Variants in DNAJC1 observed in about 807,000 individuals in gnomAD.
DNAJC1 encodes the protein DnaJ heat shock protein family (Hsp40) member C1.
In DNAJC1, 58 loss-of-function variants were observed where a neutral mutation model predicts 76.6. That is an observed-to-expected ratio of 0.76 (90% CI 0.61 to 0.94). DNAJC1 has a LOEUF of 0.94. DNAJC1 is among the 40% of genes least tolerant of loss of function. The pLI, the probability that DNAJC1 is intolerant of heterozygous loss-of-function variation, is 0.00. For missense variants in DNAJC1, 689 were observed against 677.3 expected, an observed-to-expected ratio of 1.02 and a Z score of -0.19; for synonymous variants, 258 against 267.9, an observed-to-expected ratio of 0.96 and a Z score of 0.36.
Position 21,848,071 on chromosome 10 carries a change from C to A in DNAJC1, c.978+34211G>T, listed in dbSNP as rs75728999. ...ATAGCAGTTATACTCACTTTCTCAC[C>A]AACAGTGAACTATTAGTGTTTCCCT... On this transcript the variant is annotated intron_variant, in intron 8 of 11. Coordinates refer to ENST00000376980, the MANE Select transcript of DNAJC1 (RefSeq NM_022365.4). Among the ~76,000 whole-genome samples, 99 of 152,228 alleles carry A rather than the reference C, an allele frequency of 6.5e-4. 2 individuals carry two copies. In the East Asian group the frequency reaches 0.014, roughly 22 times the overall value.
At chr10:21,869,550 G>A (rs1370530200) in intron 8 of DNAJC1, among the ~76,000 whole-genome samples, 3 of 151,950 alleles carry the variant, frequency 2.0e-5, no homozygotes, top group African/African-American at 4.8e-5. Flanking sequence ...CAACCACCTC[G>A]GGCACCTGTT....
At chr10:21,810,510 C>T (rs1834947724) in intron 8 of DNAJC1, among the ~76,000 whole-genome samples, 1 of 152,162 alleles carries the variant, frequency 6.6e-6, no homozygotes, top group African/African-American at 2.4e-5. Flanking sequence ...TCTAAAATAT[C>T]CCATAGTGGT....
intron 7 of DNAJC1, among the ~76,000 whole-genome samples, chr10:21,903,346 T>C (rs541451951): frequency 6.6e-6 from 1 of 152,340 alleles, no homozygotes; most frequent in Non-Finnish European, 1.5e-5. Context: ...AGAGTTTCAT[T>C]TGCACACTCC....
intron 1 of DNAJC1, among the ~76,000 whole-genome samples, chr10:21,951,963 G>C (rs1837603862): frequency 6.6e-6 from 1 of 152,182 alleles, no homozygotes; most frequent in African/African-American, 2.4e-5. Context: ...AGCAACACAT[G>C]GCTTTCTGGG....
At chr10:21,769,619 A>T (rs1834349211) in intron 9 of DNAJC1, among the ~76,000 whole-genome samples, 1 of 152,330 alleles carries the variant, frequency 6.6e-6, no homozygotes, top group South Asian at 2.1e-4. Flanking sequence ...ACTGCCATTA[A>T]ATCTCTCAGA....
At chr10:21,998,389 C>CAAAAAAAA (rs60371730) in intron 1 of DNAJC1, among the ~76,000 whole-genome samples, 11 of 95,790 alleles carry the variant, frequency 1.1e-4, no homozygotes, top group Admixed American at 1.3e-4. Context: ...GACTCCATCT[C>CAAAAAAAA]AAAAAAAAAA....
intron 9 of DNAJC1, among the ~76,000 whole-genome samples, chr10:21,805,449 C>CACACAG (rs1834872540): frequency 6.6e-6 from 1 of 150,546 alleles, no homozygotes; most frequent in African/African-American, 2.4e-5. Flanking sequence ...GACACACACA[C>CACACAG]ACACACACAC....
intron 7 of DNAJC1, among the ~76,000 whole-genome samples, chr10:21,892,841 T>C (rs1050462229): frequency 2.0e-5 from 3 of 151,816 alleles, no homozygotes; most frequent in Admixed American, 1.3e-4. Context: ...GGCATAGCAA[T>C]CCTAAATGTG....
intron 9 of DNAJC1, among the ~76,000 whole-genome samples, chr10:21,782,142 C>A (rs532191006): frequency 6.6e-6 from 1 of 151,876 alleles, no homozygotes; most frequent in African/African-American, 2.4e-5. Flanking sequence ...ATTGATAGAC[C>A]GCTAGCAAGA....
chr10:21,834,682 C>G (rs58341039), intron 8 of DNAJC1, among the ~76,000 whole-genome samples: 4 of 152,218 alleles, frequency 2.6e-5, no homozygotes, highest in African/African-American at 9.7e-5. Flanking sequence ...TATCCCGCAC[C>G]TGGTTCAGAG....
At chr10:21,789,610 C>T (rs1461590124) in intron 9 of DNAJC1, among the ~76,000 whole-genome samples, 1 of 151,408 alleles carries the variant, frequency 6.6e-6, no homozygotes, top group Non-Finnish European at 1.5e-5. Flanking sequence ...GATAATTCAA[C>T]AAAACTAGGA....
chr10:21,937,433 A>C (rs1433278881), intron 1 of DNAJC1, among the ~76,000 whole-genome samples: 2 of 152,148 alleles, frequency 1.3e-5, no homozygotes, highest in East Asian at 1.9e-4. Flanking sequence ...TATAAATAAC[A>C]TAAACATGCA....
At chr10:21,996,876 C>T (rs1838423284) in intron 1 of DNAJC1, among the ~76,000 whole-genome samples, 1 of 152,016 alleles carries the variant, frequency 6.6e-6, no homozygotes, top group Non-Finnish European at 1.5e-5. Flanking sequence ...CTATCTGATG[C>T]AAAGATGTAT....
intron 8 of DNAJC1, among the ~76,000 whole-genome samples, chr10:21,847,727 C>T (rs894571527): frequency 3.3e-5 from 5 of 152,104 alleles, no homozygotes; most frequent in Non-Finnish European, 5.9e-5. Flanking sequence ...ATTAACATAA[C>T]GTCCTCTAGT....
intron 1 of DNAJC1, among the ~76,000 whole-genome samples, chr10:21,934,857 A>G (rs1235789752): frequency 6.6e-6 from 1 of 152,170 alleles, no homozygotes; most frequent in African/African-American, 2.4e-5. Flanking sequence ...TCCAACTGTT[A>G]AGAAAATATC....
At chr10:21,834,467 G>C (rs1835416616) in intron 8 of DNAJC1, among the ~76,000 whole-genome samples, 1 of 152,148 alleles carries the variant, frequency 6.6e-6, no homozygotes. Flanking sequence ...GTACCAGACA[G>C]TAGGTGCAGG....
rs116945936 is a variant in DNAJC1, at chr10:21,828,304, A to G, written c.979-22205T>C. On this transcript the variant is annotated intron_variant, in intron 8 of 11. Coordinates refer to ENST00000376980, the MANE Select transcript of DNAJC1 (RefSeq NM_022365.4). ...ATGATACTCATTTAACAGATCAGAA[A>G]CTTAGAATCAAAAAATAAGGCAACT... Among the ~76,000 whole-genome samples, 115 of 152,344 alleles carry G rather than the reference A, an allele frequency of 7.5e-4. 1 individual carries two copies. In the East Asian group the frequency reaches 0.014, roughly 19 times the overall value.
intron 9 of DNAJC1, among the ~76,000 whole-genome samples, chr10:21,788,383 G>T (rs1410796309): frequency 6.6e-6 from 1 of 152,166 alleles, no homozygotes; most frequent in Non-Finnish European, 1.5e-5. Flanking sequence ...CTGAGAAGCT[G>T]TGCATCCCAG....
chr10:21,759,658 G>A, intron 10 of DNAJC1, 40 bp from the exon 11 acceptor site: 1 of 1,580,528 alleles, frequency 6.3e-7, no homozygotes, highest in Non-Finnish European at 8.6e-7. Flanking sequence ...GAAGGGCAAG[G>A]TGAATTAAGG....
Sources: allele counts gnomAD v4.1 joint callset (sites outside exome capture counted in the v4.1 genomes callset), GRCh38; gene constraint gnomAD v4.1.1; transcripts MANE v1.5; gene names NCBI Gene and HGNC (gene_info 2026-07-23, HGNC 2026-07-21).